Variants in TNFRSF1A observed in about 807,000 individuals in gnomAD.
TNFRSF1A encodes the protein TNF receptor superfamily member 1A, also known as tumor necrosis factor receptor superfamily member 1A.
TNFRSF1A carries 9 observed loss-of-function variants against 41.6 expected under a neutral mutation model. That is an observed-to-expected ratio of 0.22 (90% confidence interval 0.13 to 0.38). TNFRSF1A has a LOEUF of 0.38. Ranked by LOEUF, TNFRSF1A falls within the 10% of genes least tolerant of loss-of-function variation. The pLI is 1.00. For missense variants in TNFRSF1A, 463 were observed against 591.5 expected, an observed-to-expected ratio of 0.78 and a Z score of 2.25; for synonymous variants, 254 against 248.6, an observed-to-expected ratio of 1.02 and a Z score of -0.21.
In TNFRSF1A at chr12:6,333,675, CAT is replaced by C; in HGVS notation, c.322+60_322+61del. On this transcript the variant is annotated intron_variant, in intron 3 of 9. Coordinates refer to ENST00000162749, the MANE Select transcript of TNFRSF1A (RefSeq NM_001065.4). The surrounding 1 kb of genome is among the most constrained non-coding windows in gnomAD (Gnocchi z 6.3). ...TCCTGCCCACACCCACCAGCCTGCA[CAT>C]AGACAGGCACCCACACACCACTCAA... 6.4e-7 allele frequency: 1 copy of C among 1,560,878 alleles called. No individual in the cohort carries two copies. The highest frequency in any genetic ancestry group is 8.7e-7 in the Non-Finnish European group (1 of 1,151,848).
At position 6,330,461 on chromosome 12, in the gene TNFRSF1A, G is replaced by T; in HGVS notation, c.739+137C>A. ...CTCGACATCTCCCCAGCCATCCAGG[G>T]CCACCTTCTGCCCAGAGTCCCCAGC... On this transcript the variant is annotated intron_variant, in intron 7 of 9. Coordinates refer to ENST00000162749, the MANE Select transcript of TNFRSF1A (RefSeq NM_001065.4). 6 of 989,612 alleles carry T rather than the reference G, an allele frequency of 6.1e-6. No individual in the cohort carries two copies. In the Middle Eastern group the frequency reaches 8.2e-4, roughly 135 times the overall value. The allele number at this position is 989,612 out of a possible 1,614,324, so 61.3% of individuals were successfully genotyped here.
In TNFRSF1A at chr12:6,333,842, G is replaced by A. The variant is rs1186892329; in HGVS notation, c.217C>T (p.Pro73Ser). Residue 73 changes from proline (P) to serine (S), a missense_variant, in exon 3 of 10, where the codon CCA (proline) becomes TCA (serine). Pro to Ser is a moderately conservative substitution (Grantham distance 74, BLOSUM62 -1). Coordinates refer to ENST00000162749, the MANE Select transcript of TNFRSF1A (RefSeq NM_001065.4). This position sits in a 1 kb window ranked among gnomAD's most constrained non-coding sequence, Gnocchi z 6.3. ...CAGTCCGTATCCTGCCCCGGGCCTG[G>A]ACAGTCATTGTACAAGTAGGTTCCT... The part of the protein sequence containing the change: ...HKGTYLYNDC[P>S]GPGQDTDCRE... 6.2e-7 allele frequency: 1 copy of A among 1,600,786 alleles called. No homozygotes were observed. The highest frequency in any genetic ancestry group is 8.5e-7 in the Non-Finnish European group (1 of 1,173,096).
chr12:6,333,300 A>G lies in TNFRSF1A; in HGVS notation c.472+67T>C, dbSNP rs760757164. 6.3e-7 allele frequency: 1 copy of G among 1,587,486 alleles called. No individual in the cohort carries two copies. Among genetic ancestry groups the G allele is most frequent in the Non-Finnish European group, 8.6e-7 (1 of 1,164,720 alleles). ...AGGAGGGGGAAGGAAAGGAAGTGCC[A>G]CCGCATGGGGAAGGGGCCAACCCCT... On this transcript the variant is annotated intron_variant, in intron 4 of 9. Coordinates refer to ENST00000162749, the MANE Select transcript of TNFRSF1A (RefSeq NM_001065.4). The surrounding 1 kb of genome is among the most constrained non-coding windows in gnomAD (Gnocchi z 6.3).
chr12:6,332,482 A>C, intron 5 of TNFRSF1A, among the ~76,000 whole-genome samples: 1 of 149,866 alleles, frequency 6.7e-6, no homozygotes, highest in East Asian at 2.0e-4. Flanking sequence ...AGGCTCAGAG[A>C]TGTTAAGAAA....
In TNFRSF1A at chr12:6,333,192, C is replaced by T. The variant is rs755291015; in HGVS notation, c.473-45G>A. The T allele has an allele frequency of 5.0e-6, 8 of 1,596,832 alleles. No homozygotes were observed. Among genetic ancestry groups the T allele is most frequent in the Non-Finnish European group, 6.9e-6 (8 of 1,166,090 alleles). Reference sequence around the variant, plus strand: ...ACAGCTAAAGGAGAAGCGCCTGCACCCCCACCCCACAGGACAGAGGAAGTG... The same window carrying T: ...ACAGCTAAAGGAGAAGCGCCTGCACTCCCACCCCACAGGACAGAGGAAGTG... On this transcript the variant is annotated intron_variant, in intron 4 of 9. Transcript: ENST00000162749. This position sits in a 1 kb window ranked among gnomAD's most constrained non-coding sequence, Gnocchi z 6.3.
Position 6,341,968 on chromosome 12 carries a change from C to A in TNFRSF1A, c.-154G>T. 1.3e-6 allele frequency: 1 copy of A among 758,224 alleles called. No homozygotes were observed. Among genetic ancestry groups the A allele is most frequent in the Non-Finnish European group, 2.3e-6 (1 of 433,058 alleles). The allele number at this position is 758,224 out of a possible 1,614,324, so 47.0% of individuals were successfully genotyped here. A position where few individuals can be genotyped will look rare whatever the true frequency, so the allele number is the denominator to read the frequency against. The stretch of plus-strand genomic sequence containing the variant: ...GAGACTCGGGCATAGAGATCACGGC[C>A]TGGTCCCAGTGATCTTGAACCCCAA... On this transcript the variant is annotated 5_prime_UTR_variant, in exon 1 of 10. The change creates a new upstream start codon in the 5' untranslated region. Transcript: ENST00000162749. This position sits in a 1 kb window ranked among gnomAD's most constrained non-coding sequence, Gnocchi z 4.6.
At position 6,333,554 on chromosome 12, in the gene TNFRSF1A, C is replaced by T; in HGVS notation, c.323-38G>A. ...GAAGATGGGGTATGAGTCCTGCATC[C>T]TCCTGTCCCTGCATCCCCTTCCTGA... On this transcript the variant is annotated intron_variant, in intron 3 of 9. Transcript: ENST00000162749. The surrounding 1 kb of genome is among the most constrained non-coding windows in gnomAD (Gnocchi z 6.3). The T allele has an allele frequency of 1.2e-6, 2 of 1,613,682 alleles. No homozygotes were observed. The highest frequency in any genetic ancestry group is 1.7e-6 in the Non-Finnish European group (2 of 1,179,790).
chr12:6,332,127 G>A (rs1473831746), intron 5 of TNFRSF1A: 1 of 229,234 alleles, frequency 4.4e-6, no homozygotes, highest in Non-Finnish European at 8.8e-6. Context: ...ATGTCATTAT[G>A]CTTACTTTAA....
chr12:6,331,591 T>C (rs180819004), intron 5 of TNFRSF1A: 1 of 171,422 alleles, frequency 5.8e-6, no homozygotes, highest in African/African-American at 2.4e-5. Flanking sequence ...TATGGGGTGG[T>C]GCTGGAAGGA....
Position 6,341,827 on chromosome 12 carries a change from T to C in TNFRSF1A, c.-13A>G. Reference sequence around the variant, plus strand: ...TGGAGAGGCCCATGCCAGACAGCTATGGCCTCTCACTCCCCCATTTGGGCT... The same window carrying C: ...TGGAGAGGCCCATGCCAGACAGCTACGGCCTCTCACTCCCCCATTTGGGCT... On this transcript the variant is annotated 5_prime_UTR_variant, in exon 1 of 10. Transcript: ENST00000162749. The surrounding 1 kb of genome is among the most constrained non-coding windows in gnomAD (Gnocchi z 4.6). The C allele has an allele frequency of 1.2e-6, 2 of 1,614,124 alleles. No homozygotes were observed. The highest frequency in any genetic ancestry group is 1.3e-5 in the African/African-American group (1 of 75,076).
At chr12:6,332,840 G>T (rs1479420065) in intron 5 of TNFRSF1A, among the ~76,000 whole-genome samples, 1 of 152,302 alleles carries the variant, frequency 6.6e-6, no homozygotes, top group Non-Finnish European at 1.5e-5. Context: ...TGAGTTGGAA[G>T]GGCTGCCAGC....
At position 6,341,837 on chromosome 12, in the gene TNFRSF1A, C is replaced by T; in HGVS notation, c.-23G>A. ...CATGCCAGACAGCTATGGCCTCTCA[C>T]TCCCCCATTTGGGCTCAGGGCAGTG... is the stretch of plus-strand genomic sequence containing the variant. On this transcript the variant is annotated 5_prime_UTR_variant, in exon 1 of 10. In the 5' UTR this introduces an upstream ATG that the reference lacks. Transcript: ENST00000162749. This position sits in a 1 kb window ranked among gnomAD's most constrained non-coding sequence, Gnocchi z 4.6. The T allele has an allele frequency of 3.7e-6, 6 of 1,614,126 alleles. No individual in the cohort carries two copies. Among genetic ancestry groups the T allele is most frequent in the Non-Finnish European group, 5.1e-6 (6 of 1,180,010 alleles).
chr12:6,333,467 C>A lies in TNFRSF1A; in HGVS notation c.372G>T (p.Val124=), dbSNP rs1948078764. The stretch of plus-strand genomic sequence containing the variant: ...GGTACTGGTTCTTCCTGCAGCCACA[C>A]ACGGTGTCCCGGTCCACTGTGCAAG... ...ISSCTVDRDT[V]CGCRKNQYRH... The change falls in exon 4 of 10, where the codon GTG becomes GTT. Residue 124 remains valine, a synonymous_variant. Transcript: ENST00000162749. The surrounding 1 kb of genome is among the most constrained non-coding windows in gnomAD (Gnocchi z 6.3). 1 of 1,614,200 alleles carries A rather than the reference C, an allele frequency of 6.2e-7. No homozygotes were observed. The highest frequency in any genetic ancestry group is 8.5e-7 in the Non-Finnish European group (1 of 1,180,030).
chr12:6,339,841 T>TCTCTCTCTCTCACACA (rs762783221), intron 1 of TNFRSF1A, among the ~76,000 whole-genome samples: 5 of 113,648 alleles, frequency 4.4e-5, no homozygotes, highest in African/African-American at 2.0e-4. Context: ...TCTCTCTCTC[T>TCTCTCTCTCTCACACA]CACACACACA....
intron 5 of TNFRSF1A, 141 bp downstream of exon 5, chr12:6,332,928 C>T (rs1592046797): frequency 9.6e-6 from 7 of 726,820 alleles, no homozygotes; most frequent in East Asian, 8.0e-5. Context: ...GGTGTCTTAA[C>T]GAAGTGTCTC....
intron 6 of TNFRSF1A, 33 bp downstream of exon 6, chr12:6,330,820 G>T (rs1223554357): frequency 3.7e-6 from 6 of 1,604,570 alleles, no homozygotes; most frequent in Middle Eastern, 1.7e-4. Flanking sequence ...GGAGAGGGCA[G>T]GTGAGCATGG....
chr12:6,339,839 TCTCACACACA>T lies in TNFRSF1A; in HGVS notation c.39+1927_39+1936del, dbSNP rs1474077875. On this transcript the variant is annotated intron_variant, in intron 1 of 9. Coordinates refer to ENST00000162749, the MANE Select transcript of TNFRSF1A (RefSeq NM_001065.4). ...ACTTCTCTCTCTCTCTCTCTCTCTC[TCTCACACACA>T]CACACACACACACACACACACACAC... Among the ~76,000 whole-genome samples the T allele has an allele frequency of 5.9e-4, 71 of 120,874 alleles. 1 individual carries two copies. Among genetic ancestry groups the T allele is most frequent in the African/African-American group, 2.2e-3 (70 of 32,180 alleles). The allele number at this position is 120,874 out of a possible 152,430, so 79.3% of individuals were successfully genotyped here. A position where few individuals can be genotyped will look rare whatever the true frequency, so the allele number is the denominator to read the frequency against.
intron 1 of TNFRSF1A, among the ~76,000 whole-genome samples, chr12:6,335,777 CAGG>C (rs1397123485): frequency 6.6e-6 from 1 of 152,214 alleles, no homozygotes; most frequent in Non-Finnish European, 1.5e-5. Context: ...CATTTCGGAG[CAGG>C]AGGCCAGTCA....
chr12:6,339,773 C>T (rs1461613251), intron 1 of TNFRSF1A, among the ~76,000 whole-genome samples: 1 of 151,910 alleles, frequency 6.6e-6, no homozygotes, highest in East Asian at 1.9e-4. Context: ...TTTGCTTTGC[C>T]ACAGTCTCTC....
Sources: allele counts gnomAD v4.1 joint callset (sites outside exome capture counted in the v4.1 genomes callset), GRCh38; gene constraint gnomAD v4.1.1; non-coding constraint Gnocchi (gnomAD v3.1); transcripts MANE v1.5; gene names NCBI Gene and HGNC (gene_info 2026-07-23, HGNC 2026-07-21).